Variants in RNF39 observed in about 807,000 individuals in gnomAD.
The protein encoded by RNF39 is ring finger protein 39.
A neutral mutation model predicts 29.2 loss-of-function variants in RNF39; 25 were observed. The ratio of observed to expected loss-of-function variants is 0.86; its 90% confidence interval spans 0.62 to 1.20. RNF39 has a LOEUF of 1.20. Among genes scored for constraint, RNF39 ranks in the 50% most tolerant of loss-of-function variants. RNF39 has a pLI of 0.00. For missense variants in RNF39, 519 were observed against 515.0 expected (o/e 1.01, Z -0.08); for synonymous variants, 219 against 229.0 (o/e 0.96, Z 0.40).
In RNF39 at chr6:30,071,707, C is replaced by T. The variant is rs2301751; in HGVS notation, c.479-16G>A. 0.049 allele frequency: 68,262 copies of T among 1,397,300 alleles called. 1,998 individuals are homozygous for T. The highest frequency in any genetic ancestry group is 0.08 in the East Asian group (2,738 of 34,298). The allele number at this position is 1,397,300 out of a possible 1,614,324, so 86.6% of individuals were successfully genotyped here. On this transcript the variant is annotated splice_polypyrimidine_tract_variant and intron_variant, in intron 3 of 3. Transcript: ENST00000244360. The surrounding 1 kb of genome is among the most constrained non-coding windows in gnomAD (Gnocchi z 5.0). ...GTCAGGTCGGCTGGAGACGGGGAGG[C>T]AGGGAGAGGACCTCATGAGAGAGTT...
intron 2 of RNF39, 103 bp from the exon 3 acceptor site, chr6:30,073,351 C>A: frequency 6.5e-7 from 1 of 1,546,046 alleles, no homozygotes; most frequent in Non-Finnish European, 8.9e-7. Context: ...GAGACTATAC[C>A]CCAGAAAACC....
rs1582392142 is a variant in RNF39 at position 30,071,977 on chromosome 6, G to T, written c.479-286C>A. The stretch of plus-strand genomic sequence containing the variant: ...CAGCAGGAAGATCAAATGAGAGGTT[G>T]TCTCGTTTGTGGGGTTGGGGGAGGA... On this transcript the variant is annotated intron_variant, in intron 3 of 3. Transcript: ENST00000244360. This position sits in a 1 kb window ranked among gnomAD's most constrained non-coding sequence, Gnocchi z 5.0. Among the ~76,000 whole-genome samples, 1 of 152,170 alleles carries T rather than the reference G, an allele frequency of 6.6e-6. No homozygotes were observed. Among genetic ancestry groups the T allele is most frequent in the African/African-American group, 2.4e-5 (1 of 41,428 alleles).
Position 30,075,235 on chromosome 6 carries a change from G to C in RNF39, c.351C>G (p.Asp117Glu). ...GGRIPTMGCL[D>E]LPGEDMRKTW... is the part of the protein sequence containing the mutation. ...CGCCCAGCCTCACCTCTCCGGGCAG[G>C]TCCAGGCAGCCCATGGTGGGGATGC... The change falls in exon 1 of 4, where the codon GAC becomes GAG. Residue 117 changes from aspartate to glutamate, a missense_variant. Coordinates refer to ENST00000244360, the MANE Select transcript of RNF39 (RefSeq NM_025236.4). The C allele has an allele frequency of 6.3e-7, 1 of 1,594,552 alleles. No homozygotes were observed. Among genetic ancestry groups the C allele is most frequent in the East Asian group, 2.3e-5 (1 of 44,332 alleles).
chr6:30,071,668 T>A lies in RNF39; in HGVS notation c.502A>T (p.Thr168Ser). The A allele has an allele frequency of 7.0e-7, 1 of 1,427,550 alleles. No individual in the cohort carries two copies. The highest frequency in any genetic ancestry group is 9.1e-7 in the Non-Finnish European group (1 of 1,097,692). The allele number at this position is 1,427,550 out of a possible 1,614,324, so 88.4% of individuals were successfully genotyped here. Residue 168 changes from threonine (T) to serine (S), a missense_variant, in exon 4 of 4, where the codon ACC (threonine) becomes TCC (serine). By Grantham distance (58) the Thr-to-Ser change is moderately conservative. Coordinates refer to ENST00000244360, the MANE Select transcript of RNF39 (RefSeq NM_025236.4). This position sits in a 1 kb window ranked among gnomAD's most constrained non-coding sequence, Gnocchi z 5.0. Reference protein sequence around the residue: ...LTADLTLDPGTAHRRLLISAD... With the variant: ...LTADLTLDPGSAHRRLLISAD... ...GAGATGAGCAGGCGGCGGTGTGCGG[T>A]CCCAGGGTCCAGGGTCAGGTCGGCT...
In RNF39 at chr6:30,071,578, G is replaced by A; in HGVS notation, c.592C>T (p.Arg198Cys). The change falls in exon 4 of 4, where the codon CGC (arginine) becomes TGC (cysteine). Residue 198 changes from arginine (R) to cysteine (C), a missense_variant. Physicochemically the swap from Arg to Cys is radical, Grantham distance 180. Coordinates refer to ENST00000244360, the MANE Select transcript of RNF39 (RefSeq NM_025236.4). This position sits in a 1 kb window ranked among gnomAD's most constrained non-coding sequence, Gnocchi z 5.0. ...GTPAPPDGPK[R>C]FDQLPAVLGA... ...AGCACAGCTGGGAGCTGATCGAAGCGCTTGGGGCCGTCAGGGGGCGCGGGC... is the reference window on the plus strand; with the variant it reads ...AGCACAGCTGGGAGCTGATCGAAGCACTTGGGGCCGTCAGGGGGCGCGGGC... 6.8e-7 allele frequency: 1 copy of A among 1,480,770 alleles called. No homozygotes were observed. The highest frequency in any genetic ancestry group is 1.3e-5 in the South Asian group (1 of 77,054). The allele number at this position is 1,480,770 out of a possible 1,614,324, so 91.7% of individuals were successfully genotyped here. A position where few individuals can be genotyped will look rare whatever the true frequency, so the allele number is the denominator to read the frequency against.
In RNF39 at chr6:30,072,989, GATAA is replaced by G. The variant is rs964600419; in HGVS notation, c.478+164_478+167del. ...CAGACTTCTACCTCCTGAACTTTGA[GATAA>G]ATGTCTGTTGTTTCAGCCACCTACT... On this transcript the variant is annotated intron_variant, in intron 3 of 3. Transcript: ENST00000244360. This position sits in a 1 kb window ranked among gnomAD's most constrained non-coding sequence, Gnocchi z 4.5. Among the ~76,000 whole-genome samples the G allele has an allele frequency of 4.9e-4, 75 of 152,340 alleles. No individual in the cohort carries two copies. Among genetic ancestry groups the G allele is most frequent in the Admixed American group, 1.4e-3 (21 of 15,310 alleles).
chr6:30,075,330 G>C lies in RNF39; in HGVS notation c.256C>G (p.Arg86Gly). ...RSNVRLAVEV[R>G]ISRELREKLA... is the part of the protein sequence containing the mutation. The stretch of plus-strand genomic sequence containing the variant: ...TTCTCTCGCAGCTCGCGGCTGATTC[G>C]CACCTCCACCGCCAGCCGCACATTA... Residue 86 changes from arginine (R) to glycine (G), a missense_variant, in exon 1 of 4, where the codon CGA becomes GGA. Transcript: ENST00000244360. The C allele has an allele frequency of 1.3e-6, 2 of 1,591,672 alleles. No individual in the cohort carries two copies. Among genetic ancestry groups the C allele is most frequent in the Non-Finnish European group, 1.7e-6 (2 of 1,171,710 alleles).
chr6:30,073,537 C>T, intron 1 of RNF39, 59 bp from the exon 2 acceptor site: 1 of 1,588,610 alleles, frequency 6.3e-7, no homozygotes, highest in Non-Finnish European at 8.6e-7. Context: ...CTGGGGCATC[C>T]TTCCCTATCT....
Position 30,071,321 on chromosome 6 carries a change from T to C in RNF39, c.849A>G (p.Glu283=), listed in dbSNP as rs2301754. Residue 283 remains glutamate (E), a synonymous_variant, in exon 4 of 4, where the codon GAA becomes GAG. Coordinates refer to ENST00000244360, the MANE Select transcript of RNF39 (RefSeq NM_025236.4). The surrounding 1 kb of genome is among the most constrained non-coding windows in gnomAD (Gnocchi z 5.0). Reference sequence around the variant, plus strand: ...GCTCAACACCGCCCAGCAGGGTGGGTTCGGGTGCCGTGAGGGCCCACAGGC... The same window carrying C: ...GCTCAACACCGCCCAGCAGGGTGGGCTCGGGTGCCGTGAGGGCCCACAGGC... The part of the protein sequence containing the change: ...GGRLWALTAP[E]PTLLGGVEPP... 179,985 of 1,478,538 alleles carry C rather than the reference T, an allele frequency of 0.12. 13,560 individuals are homozygous for C. Among genetic ancestry groups the C allele is most frequent in the African/African-American group, 0.27 (18,810 of 69,074 alleles). The allele number at this position is 1,478,538 out of a possible 1,614,324, so 91.6% of individuals were successfully genotyped here. A position where few individuals can be genotyped will look rare whatever the true frequency, so the allele number is the denominator to read the frequency against.
rs753467188 is a variant in RNF39, at chr6:30,071,338, C to T, written c.832G>A (p.Ala278Thr). The stretch of plus-strand genomic sequence containing the variant: ...AGGGTGGGTTCGGGTGCCGTGAGGG[C>T]CCACAGGCGGCCGCCGCGGCCCTCC... ...AVEGRGGRLWALTAPEPTLLG... is the reference protein window; with the variant it reads ...AVEGRGGRLWTLTAPEPTLLG... The change falls in exon 4 of 4, where the codon GCC becomes ACC. Residue 278 changes from alanine (A) to threonine (T), a missense_variant. By Grantham distance (58) the Ala-to-Thr change is moderately conservative. Transcript: ENST00000244360. The surrounding 1 kb of genome is among the most constrained non-coding windows in gnomAD (Gnocchi z 5.0). 7.5e-6 allele frequency: 11 copies of T among 1,466,694 alleles called. No homozygotes were observed. The highest frequency in any genetic ancestry group is 2.7e-5 in the Admixed American group (1 of 37,220). The allele number at this position is 1,466,694 out of a possible 1,614,324, so 90.9% of individuals were successfully genotyped here. A position where few individuals can be genotyped will look rare whatever the true frequency, so the allele number is the denominator to read the frequency against.
In RNF39 at chr6:30,072,247, G is replaced by A. The variant is rs909284988; in HGVS notation, c.479-556C>T. 1.8e-4 allele frequency among the ~76,000 whole-genome samples: 27 copies of A among 152,098 alleles called. No individual in the cohort carries two copies. The highest frequency in any genetic ancestry group is 6.0e-4 in the African/African-American group (25 of 41,406). ...GGTGGACAGTCCTATTTCTGTAGGG[G>A]TTGTGGGGCAGAGGAGGAGAGCAGG... On this transcript the variant is annotated intron_variant, in intron 3 of 3. Coordinates refer to ENST00000244360, the MANE Select transcript of RNF39 (RefSeq NM_025236.4). This position sits in a 1 kb window ranked among gnomAD's most constrained non-coding sequence, Gnocchi z 4.5.
chr6:30,073,105 A>T (rs1766118922), intron 3 of RNF39, 52 bp downstream of exon 3: 3 of 1,295,820 alleles, frequency 2.3e-6, no homozygotes, highest in Admixed American at 3.4e-5. Context: ...AAGGAAGAAA[A>T]TCTAACACAG....
chr6:30,073,144 C>T lies in RNF39; in HGVS notation c.478+13G>A, dbSNP rs776764152. 3 of 1,536,752 alleles carry T rather than the reference C, an allele frequency of 2.0e-6. No individual in the cohort carries two copies. The highest frequency in any genetic ancestry group is 9.0e-7 in the Non-Finnish European group (1 of 1,109,822). Reference sequence around the variant, plus strand: ...TTCATTCAATTCCCTTCCCTCCCTTCTTCTTTCCTTACCTGTCAGTCTATG... The same window carrying T: ...TTCATTCAATTCCCTTCCCTCCCTTTTTCTTTCCTTACCTGTCAGTCTATG... On this transcript the variant is annotated intron_variant, in intron 3 of 3. Coordinates refer to ENST00000244360, the MANE Select transcript of RNF39 (RefSeq NM_025236.4).
rs765085043 is a variant in RNF39, at chr6:30,075,533, G to T, written c.53C>A (p.Ala18Glu). ...GGAGCCCCCGCACAGAGGACACGTC[G>T]CCAGCTGCTCCAGACGCTCCACCAG... ...PGLVERLEQL[A>E]TCPLCGGSFE... Residue 18 changes from alanine (A) to glutamate (E), a missense_variant, in exon 1 of 4, where the codon GCG (alanine) becomes GAG (glutamate). Physicochemically the swap from Ala to Glu is moderately radical, Grantham distance 107 (BLOSUM62 -1). Coordinates refer to ENST00000244360, the MANE Select transcript of RNF39 (RefSeq NM_025236.4). The T allele has an allele frequency of 1.7e-5, 27 of 1,588,076 alleles. No homozygotes were observed. In the East Asian group the frequency reaches 6.2e-4, roughly 37 times the overall value.
chr6:30,070,592 T>C lies in RNF39; in HGVS notation c.*519A>G. The C allele has an allele frequency of 3.0e-6, 1 of 330,354 alleles. No individual in the cohort carries two copies. Among genetic ancestry groups the C allele is most frequent in the Non-Finnish European group, 6.0e-6 (1 of 166,634 alleles). The allele number at this position is 330,354 out of a possible 1,614,324, so 20.5% of individuals were successfully genotyped here. A position where few individuals can be genotyped will look rare whatever the true frequency, so the allele number is the denominator to read the frequency against. ...CCACCCCCAGATCCTGCAAAAGAGG[T>C]ACAAAGCTTCCCAGAGGGCCACAGG... On this transcript the variant is annotated 3_prime_UTR_variant, in exon 4 of 4. Coordinates refer to ENST00000244360, the MANE Select transcript of RNF39 (RefSeq NM_025236.4).
At position 30,074,801 on chromosome 6, in the gene RNF39, TCTCCCTTCCGCCCGCCG is replaced by T. The variant is rs1258771996; in HGVS notation, c.363+405_363+421del. ...CCTCCTCACCCTCAGCTGGGTCGGC[TCTCCCTTCCGCCCGCCG>T]CTCCCTCCCCTCCGCCAGCTCTCCT... On this transcript the variant is annotated intron_variant, in intron 1 of 3. Coordinates refer to ENST00000244360, the MANE Select transcript of RNF39 (RefSeq NM_025236.4). The surrounding 1 kb of genome is among the most constrained non-coding windows in gnomAD (Gnocchi z 4.1). 1.8e-4 allele frequency among the ~76,000 whole-genome samples: 27 copies of T among 151,170 alleles called. No homozygotes were observed. The highest frequency in any genetic ancestry group is 6.3e-4 in the African/African-American group (26 of 41,054).
Position 30,073,200 on chromosome 6 carries a change from A to G in RNF39, c.435T>C (p.Pro145=), listed in dbSNP as rs768066152. ...TTTTTTTGACCACTGGATAATCTTC[A>G]GGGAGATCATCCTCTGAATTAGATG... ...SKSSNSEDDL[P]EDYPVVKKML... is the part of the protein sequence containing the mutation. The change falls in exon 3 of 4, where the codon CCT becomes CCC. Residue 145 remains proline, a synonymous_variant. Coordinates refer to ENST00000244360, the MANE Select transcript of RNF39 (RefSeq NM_025236.4). 87 of 1,612,438 alleles carry G rather than the reference A, an allele frequency of 5.4e-5. No homozygotes were observed. The highest frequency in any genetic ancestry group is 7.1e-5 in the Non-Finnish European group (84 of 1,178,628).
Position 30,071,330 on chromosome 6 carries a change from C to T in RNF39, c.840G>A (p.Thr280=), listed in dbSNP as rs2127315674. 1 of 1,472,720 alleles carries T rather than the reference C, an allele frequency of 6.8e-7. No individual in the cohort carries two copies. Among genetic ancestry groups the T allele is most frequent in the South Asian group, 1.4e-5 (1 of 70,552 alleles). The allele number at this position is 1,472,720 out of a possible 1,614,324, so 91.2% of individuals were successfully genotyped here. A position where few individuals can be genotyped will look rare whatever the true frequency, so the allele number is the denominator to read the frequency against. Residue 280 remains threonine, a synonymous_variant, in exon 4 of 4, where the codon ACG becomes ACA. Transcript: ENST00000244360. This position sits in a 1 kb window ranked among gnomAD's most constrained non-coding sequence, Gnocchi z 5.0. ...CGCCCAGCAGGGTGGGTTCGGGTGC[C>T]GTGAGGGCCCACAGGCGGCCGCCGC... is the stretch of plus-strand genomic sequence containing the variant. ...EGRGGRLWAL[T]APEPTLLGGV...
In RNF39 at chr6:30,071,791, G is replaced by A; in HGVS notation, c.479-100C>T. The stretch of plus-strand genomic sequence containing the variant: ...GTCAACGAAGATCACGTAAAAGACT[G>A]AGAGCTAGTGACCACACAACAGCTC... On this transcript the variant is annotated intron_variant, in intron 3 of 3. Coordinates refer to ENST00000244360, the MANE Select transcript of RNF39 (RefSeq NM_025236.4). The surrounding 1 kb of genome is among the most constrained non-coding windows in gnomAD (Gnocchi z 5.0). 1 of 898,226 alleles carries A rather than the reference G, an allele frequency of 1.1e-6. No homozygotes were observed. The highest frequency in any genetic ancestry group is 1.4e-6 in the Non-Finnish European group (1 of 691,610). The allele number at this position is 898,226 out of a possible 1,614,324, so 55.6% of individuals were successfully genotyped here. A position where few individuals can be genotyped will look rare whatever the true frequency, so the allele number is the denominator to read the frequency against.
Sources: allele counts gnomAD v4.1 joint callset (sites outside exome capture counted in the v4.1 genomes callset), GRCh38; gene constraint gnomAD v4.1.1; non-coding constraint Gnocchi (gnomAD v3.1); transcripts MANE v1.5; gene names NCBI Gene and HGNC (gene_info 2026-07-23, HGNC 2026-07-21).